Variants in PPFIA1 observed in about 807,000 individuals in gnomAD.
PPFIA1 encodes the protein PPFI scaffold protein A1.
In PPFIA1, 25 loss-of-function variants were observed where a neutral mutation model predicts 149.9. The observed-to-expected ratio is 0.17, with a 90% CI of 0.12 to 0.23. PPFIA1 has a LOEUF of 0.23. PPFIA1 is among the 10% of genes least tolerant of loss of function. The pLI is 1.00. For synonymous variants in PPFIA1, 549 were observed against 552.8 expected, an observed-to-expected ratio of 0.99 and a Z score of 0.10; for missense variants, 1,362 against 1,506.5, an observed-to-expected ratio of 0.90 and a Z score of 1.59.
intron 2 of PPFIA1, among the ~76,000 whole-genome samples, chr11:70,314,215 A>T (rs2053458843): frequency 6.6e-6 from 1 of 152,184 alleles, no homozygotes; most frequent in South Asian, 2.1e-4. Context: ...GAACAGTCAG[A>T]GGCTACCCAG....
rs746993453 is a variant in PPFIA1, at chr11:70,272,334, G to A, written c.162G>A (p.Leu54=). 6.2e-7 allele frequency: 1 copy of A among 1,614,070 alleles called. No individual in the cohort carries two copies. The highest frequency in any genetic ancestry group is 1.3e-5 in the African/African-American group (1 of 74,918). Residue 54 remains leucine, a synonymous_variant, in exon 2 of 28, where the codon CTG becomes CTA. Coordinates refer to ENST00000253925, the MANE Select transcript of PPFIA1 (RefSeq NM_003626.5). ...LEERDRLLDT[L]RETQETLALT... is the part of the protein sequence containing the mutation. ...AAAGGGACCGCCTTCTTGATACACT[G>A]AGAGAGACTCAAGAAACGCTGGCCT...
chr11:70,351,322 A>G (rs1447728505), intron 16 of PPFIA1, among the ~76,000 whole-genome samples: 1 of 152,172 alleles, frequency 6.6e-6, no homozygotes, highest in Admixed American at 6.5e-5. Context: ...ATAAGAAATT[A>G]CTAGTGCAAA....
chr11:70,382,053 T>C (rs1369093001), intron 26 of PPFIA1, 35 bp from the exon 27 acceptor site: 1 of 1,605,330 alleles, frequency 6.2e-7, no homozygotes, highest in Admixed American at 1.7e-5. Context: ...CTGCACGCTG[T>C]GTTTGCACGC....
intron 21 of PPFIA1, chr11:70,365,346 G>C (rs1196895765): frequency 2.2e-6 from 1 of 455,884 alleles, no homozygotes; most frequent in East Asian, 7.0e-5. Flanking sequence ...TGCCCTGGAT[G>C]TGGTTGGTGC....
At chr11:70,293,803 C>CCA (rs1398957741) in intron 2 of PPFIA1, among the ~76,000 whole-genome samples, 2 of 152,150 alleles carry the variant, frequency 1.3e-5, no homozygotes, top group Non-Finnish European at 2.9e-5. Flanking sequence ...TTTGCTGAGA[C>CCA]CCTCAGCCTC....
intron 12 of PPFIA1, 98 bp downstream of exon 12, chr11:70,337,525 T>A (rs1196401560): frequency 2.3e-6 from 2 of 859,718 alleles, no homozygotes; most frequent in Non-Finnish European, 3.5e-6. Context: ...AGCAGCTTGG[T>A]TTGTGGCTCT....
intron 16 of PPFIA1, among the ~76,000 whole-genome samples, chr11:70,348,713 T>C (rs1372713724): frequency 6.6e-6 from 1 of 151,964 alleles, no homozygotes; most frequent in African/African-American, 2.4e-5. Flanking sequence ...AACCCCATCT[T>C]TACAAAAAGT....
chr11:70,311,253 A>G (rs904783215), intron 2 of PPFIA1, among the ~76,000 whole-genome samples: 5 of 151,498 alleles, frequency 3.3e-5, no homozygotes, highest in African/African-American at 1.2e-4. Flanking sequence ...GGTTGTGGTG[A>G]GCCGAGATTG....
chr11:70,371,092 A>T (rs2135365804), intron 21 of PPFIA1, among the ~76,000 whole-genome samples: 1 of 152,332 alleles, frequency 6.6e-6, no homozygotes, highest in Middle Eastern at 3.4e-3. Context: ...AGGTCGCGCT[A>T]CTGCACTCCA....
intron 2 of PPFIA1, among the ~76,000 whole-genome samples, chr11:70,290,212 A>G (rs770020990): frequency 1.3e-5 from 2 of 151,406 alleles, no homozygotes; most frequent in Non-Finnish European, 2.9e-5. Context: ...CCTGGGTGAT[A>G]GAGCAAAACC....
At chr11:70,339,451 G>C (rs2055179401) in intron 14 of PPFIA1, 145 bp downstream of exon 14, 1 of 1,036,050 alleles carries the variant, frequency 9.7e-7, no homozygotes. Context: ...TAAGAGTTTA[G>C]CTTTTAGAGC....
chr11:70,295,931 G>C (rs1482825302), intron 2 of PPFIA1, among the ~76,000 whole-genome samples: 2 of 151,718 alleles, frequency 1.3e-5, no homozygotes, highest in Non-Finnish European at 2.9e-5. Context: ...CAGACGGGGC[G>C]GTTGCCAGGC....
chr11:70,357,542 C>G (rs2056414893), intron 19 of PPFIA1, among the ~76,000 whole-genome samples: 1 of 151,852 alleles, frequency 6.6e-6, no homozygotes, highest in Non-Finnish European at 1.5e-5. Context: ...AACCACGTAA[C>G]AGCAAAATCT....
At chr11:70,377,898 C>A in intron 25 of PPFIA1, 132 bp from the exon 26 acceptor site, 1 of 748,280 alleles carries the variant, frequency 1.3e-6, no homozygotes, top group Non-Finnish European at 2.2e-6. Context: ...GTGTGGTCAT[C>A]AAGAAGGGAT....
intron 27 of PPFIA1, 89 bp downstream of exon 27, chr11:70,382,247 C>A: frequency 2.1e-6 from 2 of 939,676 alleles, no homozygotes; most frequent in South Asian, 3.1e-5. Context: ...GGGTGTGGAC[C>A]ATGAAAGCCA....
chr11:70,315,622 C>T (rs1239404578), intron 2 of PPFIA1, among the ~76,000 whole-genome samples: 3 of 149,238 alleles, frequency 2.0e-5, no homozygotes, highest in Admixed American at 2.0e-4. Context: ...ATTTATTAGA[C>T]GTCTTTTTGA....
intron 2 of PPFIA1, among the ~76,000 whole-genome samples, chr11:70,283,419 G>A (rs1194930054): frequency 6.6e-6 from 1 of 152,100 alleles, no homozygotes; most frequent in Non-Finnish European, 1.5e-5. Flanking sequence ...GCCAATCCCT[G>A]AAGCAGGGGG....
intron 15 of PPFIA1, among the ~76,000 whole-genome samples, chr11:70,347,496 G>C (rs1421851888): frequency 6.6e-6 from 1 of 152,132 alleles, no homozygotes; most frequent in Non-Finnish European, 1.5e-5. Flanking sequence ...GAAGTCAGGA[G>C]TTTGAGACCA....
At chr11:70,291,036 C>G (rs2051491362) in intron 2 of PPFIA1, among the ~76,000 whole-genome samples, 1 of 152,162 alleles carries the variant, frequency 6.6e-6, no homozygotes. Context: ...CAGGCATATG[C>G]CACCACGCCT....
Sources: gnomAD v4.1 joint callset for allele counts (sites outside exome capture counted in the v4.1 genomes callset) on GRCh38, gnomAD v4.1.1 for gene constraint, MANE v1.5 for transcripts, NCBI Gene and HGNC (gene_info 2026-07-23, HGNC 2026-07-21) for gene names.